Variants in ATP6V1H observed in about 807,000 individuals in gnomAD.
ATP6V1H encodes the protein ATPase H+ transporting V1 subunit H.
ATP6V1H carries 39 observed loss-of-function variants against 71.7 expected under a neutral mutation model. The observed-to-expected ratio is 0.54, with a 90% CI of 0.42 to 0.71. ATP6V1H has a LOEUF of 0.71. Among genes scored for constraint, ATP6V1H ranks in the 30% least tolerant of loss-of-function variants. ATP6V1H has a pLI of 0.00. For missense variants in ATP6V1H, 509 were observed against 594.9 expected (o/e 0.86, Z 1.50); for synonymous variants, 192 against 199.3 (o/e 0.96, Z 0.31).
intron 11 of ATP6V1H, among the ~76,000 whole-genome samples, chr8:53,766,486 A>G (rs1351878729): frequency 1.3e-5 from 2 of 152,246 alleles, no homozygotes; most frequent in African/African-American, 4.8e-5. Context: ...AAAGAACAGG[A>G]TAATAGCAAT....
intron 12 of ATP6V1H, among the ~76,000 whole-genome samples, chr8:53,755,721 TATATATATATATATATATA>T (rs1808016558): frequency 5.0e-4 from 4 of 7,990 alleles, no homozygotes; most frequent in South Asian, 3.7e-3. Context: ...TATATATATA[TATATATATATATATATATA>T]TATATTTTTT....
intron 12 of ATP6V1H, among the ~76,000 whole-genome samples, chr8:53,751,430 G>C (rs1807792855): frequency 6.6e-6 from 1 of 152,278 alleles, no homozygotes; most frequent in Non-Finnish European, 1.5e-5. Flanking sequence ...TGCTACTGTT[G>C]AAATAGTCCA....
intron 5 of ATP6V1H, among the ~76,000 whole-genome samples, chr8:53,816,403 G>C (rs1424378867): frequency 1.3e-5 from 2 of 152,182 alleles, no homozygotes; most frequent in Admixed American, 1.3e-4. Context: ...AGTGGAAATA[G>C]AGAAGTCTTG....
At chr8:53,766,894 C>T (rs1207865117) in intron 11 of ATP6V1H, among the ~76,000 whole-genome samples, 2 of 151,484 alleles carry the variant, frequency 1.3e-5, no homozygotes, top group Non-Finnish European at 2.9e-5. Flanking sequence ...GTCCTGTGGT[C>T]CTGTGATCTT....
intron 2 of ATP6V1H, among the ~76,000 whole-genome samples, chr8:53,838,668 CA>C (rs1811245899): frequency 6.6e-6 from 1 of 151,990 alleles, no homozygotes; most frequent in South Asian, 2.1e-4. Context: ...GTAGTTTTAC[CA>C]GATTCCAGTT....
intron 9 of ATP6V1H, among the ~76,000 whole-genome samples, chr8:53,791,876 C>T (rs544988719): frequency 1.5e-4 from 23 of 152,310 alleles, no homozygotes; most frequent in Middle Eastern, 3.4e-3. Flanking sequence ...TCATCTGTGT[C>T]CCCGAATAAT....
At chr8:53,775,064 T>G (rs751141780) in intron 9 of ATP6V1H, among the ~76,000 whole-genome samples, 2 of 152,184 alleles carry the variant, frequency 1.3e-5, no homozygotes, top group African/African-American at 4.8e-5. Flanking sequence ...TGTCCGGAGT[T>G]TGTTCCCTCT....
chr8:53,757,356 A>G (rs1808107074), intron 11 of ATP6V1H, among the ~76,000 whole-genome samples: 1 of 152,204 alleles, frequency 6.6e-6, no homozygotes, highest in Non-Finnish European at 1.5e-5. Flanking sequence ...CAGCTACCCA[A>G]GATGTGCATG....
At chr8:53,792,223 C>T (rs1190250496) in intron 9 of ATP6V1H, among the ~76,000 whole-genome samples, 1 of 152,114 alleles carries the variant, frequency 6.6e-6, no homozygotes, top group African/African-American at 2.4e-5. Context: ...TCCGCATTTG[C>T]CTGTTTCTCA....
In ATP6V1H at chr8:53,771,980, A is replaced by G. The variant is rs1808675743; in HGVS notation, c.1049+9T>C. 2.5e-6 allele frequency: 4 copies of G among 1,607,502 alleles called. No homozygotes were observed. Among genetic ancestry groups the G allele is most frequent in the Non-Finnish European group, 3.4e-6 (4 of 1,177,092 alleles). ...ATCCAGCACATGAGAATTAAAAAGA[A>G]TAACACACCTAAGGTCCTGGACACT... is the stretch of plus-strand genomic sequence containing the variant. On this transcript the variant is annotated intron_variant, in intron 10 of 13. Coordinates refer to ENST00000359530, the MANE Select transcript of ATP6V1H (RefSeq NM_015941.4).
At chr8:53,769,572 T>C (rs572959418) in intron 11 of ATP6V1H, 46 bp downstream of exon 11, 2 of 1,548,292 alleles carry the variant, frequency 1.3e-6, no homozygotes, top group South Asian at 2.5e-5. Context: ...TGGTGAGGAT[T>C]TGGGATAACA....
intron 9 of ATP6V1H, among the ~76,000 whole-genome samples, chr8:53,775,448 T>C (rs1276829162): frequency 2.0e-5 from 3 of 152,200 alleles, no homozygotes; most frequent in East Asian, 1.9e-4. Flanking sequence ...TAGAGCCGAG[T>C]GGCCTGTTTT....
chr8:53,835,526 T>A (rs1585841023), intron 2 of ATP6V1H, among the ~76,000 whole-genome samples: 1 of 152,242 alleles, frequency 6.6e-6, no homozygotes, highest in Non-Finnish European at 1.5e-5. Flanking sequence ...GTGTCCCTTC[T>A]GGGTTTTGTA....
chr8:53,729,496 C>T (rs1230304799), intron 13 of ATP6V1H, among the ~76,000 whole-genome samples: 1 of 152,154 alleles, frequency 6.6e-6, no homozygotes, highest in Non-Finnish European at 1.5e-5. Flanking sequence ...GTGCATGCCT[C>T]ACTTCCAAGG....
intron 9 of ATP6V1H, among the ~76,000 whole-genome samples, chr8:53,774,858 C>T (rs914059275): frequency 1.3e-5 from 2 of 152,226 alleles, no homozygotes; most frequent in East Asian, 3.9e-4. Context: ...GTGACTACAG[C>T]GGCTAGAAAG....
chr8:53,744,506 C>A (rs558808118), intron 12 of ATP6V1H, among the ~76,000 whole-genome samples: 10 of 152,310 alleles, frequency 6.6e-5, no homozygotes, highest in African/African-American at 2.2e-4. Context: ...AGCCACCAGT[C>A]CTGTCTAGTG....
intron 7 of ATP6V1H, among the ~76,000 whole-genome samples, chr8:53,807,416 A>G (rs1810116920): frequency 1.3e-5 from 2 of 152,114 alleles, no homozygotes; most frequent in East Asian, 1.9e-4. Flanking sequence ...CCTGGCCAAC[A>G]TGGCGAAACC....
At chr8:53,765,439 G>GACA (rs71551967) in intron 11 of ATP6V1H, among the ~76,000 whole-genome samples, 39 of 81,638 alleles carry the variant, frequency 4.8e-4, no homozygotes, top group African/African-American at 1.3e-3. Flanking sequence ...GAGGGTGGTG[G>GACA]ACAACAACAA....
In ATP6V1H at chr8:53,762,210, A is replaced by T. The variant is rs139925880; in HGVS notation, c.1176-5554T>A. ...ACTTCTATCATCACAAAAAGTTCCA[A>T]TGAAGTTGAGGTAGAAGGTGAAAAA... On this transcript the variant is annotated intron_variant, in intron 11 of 13. Coordinates refer to ENST00000359530, the MANE Select transcript of ATP6V1H (RefSeq NM_015941.4). Among the ~76,000 whole-genome samples, 334 of 152,284 alleles carry T rather than the reference A, an allele frequency of 2.2e-3. 2 individuals are homozygous for T. The highest frequency in any genetic ancestry group is 7.8e-3 in the African/African-American group (323 of 41,564).
Sources: gnomAD v4.1 joint callset for allele counts (sites outside exome capture counted in the v4.1 genomes callset) on GRCh38, gnomAD v4.1.1 for gene constraint, MANE v1.5 for transcripts, NCBI Gene and HGNC (gene_info 2026-07-23, HGNC 2026-07-21) for gene names.